DNAH5: variants seen among roughly 807,000 people sequenced by gnomAD.
DNAH5 encodes the protein dynein axonemal heavy chain 5, also known as axonemal beta dynein heavy chain 5.
DNAH5 carries 372 observed loss-of-function variants against 518.2 expected under a neutral mutation model. That is an observed-to-expected ratio of 0.72 (90% CI 0.66 to 0.78). The LOEUF is 0.78. Ranked by LOEUF, DNAH5 falls within the 30% of genes least tolerant of loss-of-function variation. DNAH5 has a pLI of 0.00. For synonymous variants in DNAH5, 2,039 were observed against 2,025.9 expected, an observed-to-expected ratio of 1.01 and a Z score of -0.17; for missense variants, 5,523 against 5,687.0, an observed-to-expected ratio of 0.97 and a Z score of 0.93.
rs552183736 is a variant in DNAH5 at position 13,873,564 on chromosome 5, A to C, written c.3397-1799T>G. Among the ~76,000 whole-genome samples the C allele has an allele frequency of 1.2e-3, 190 of 152,254 alleles. 1 individual carries two copies. Among genetic ancestry groups the C allele is most frequent in the African/African-American group, 4.5e-3 (185 of 41,568 alleles). ...TGACTAACTTAACTCTTGTTGGGCC[A>C]CAATTTCTTTTTTAGATTAGCCTCT... On this transcript the variant is annotated intron_variant, in intron 22 of 78. Transcript: ENST00000265104.
intron 1 of DNAH5, among the ~76,000 whole-genome samples, chr5:13,997,632 C>T (rs1436795756): frequency 6.6e-6 from 1 of 152,148 alleles, no homozygotes; most frequent in Non-Finnish European, 1.5e-5. Flanking sequence ...TATTTCCATT[C>T]ATGGCAATGC....
At position 13,718,946 on chromosome 5, in the gene DNAH5, C is replaced by T. The variant is rs2126518087; in HGVS notation, c.12435G>A (p.Met4145Ile). Residue 4145 changes from methionine to isoleucine, a missense_variant, in exon 72 of 79, where the codon ATG becomes ATA. This residue lies in a region of DNAH5 where 5,121 missense variants were observed against 5,223.3 expected (regional missense o/e 0.98). Coordinates refer to ENST00000265104, the MANE Select transcript of DNAH5 (RefSeq NM_001369.3). ...HKQFPITLLQ[M>I]SIKFANDPPQ... The stretch of plus-strand genomic sequence containing the variant: ...GAGGATCGTTGGCAAATTTAATGGA[C>T]ATCTGAAGGAGTGTAATGGGAAACT... 3.1e-6 allele frequency: 5 copies of T among 1,614,104 alleles called. No homozygotes were observed. Among genetic ancestry groups the T allele is most frequent in the Non-Finnish European group, 4.2e-6 (5 of 1,180,008 alleles).
At chr5:13,877,762 A>G (rs1771091646) in intron 21 of DNAH5, among the ~76,000 whole-genome samples, 1 of 152,232 alleles carries the variant, frequency 6.6e-6, no homozygotes. Context: ...ATGTATCACC[A>G]TAACTCTTAA....
chr5:13,737,127 T>C lies in DNAH5; in HGVS notation c.11455+125A>G, dbSNP rs940603301. On this transcript the variant is annotated intron_variant, in intron 66 of 78. Coordinates refer to ENST00000265104, the MANE Select transcript of DNAH5 (RefSeq NM_001369.3). ...TTACGGAATATTTCCCAACAGAAAT[T>C]CCACAAAACACCTCCACTTTGCATA... 5.3e-5 allele frequency: 79 copies of C among 1,484,318 alleles called. No individual in the cohort carries two copies. The South Asian group carries it at 6.7e-4, about 13-fold the overall frequency. 91.9% of individuals were successfully genotyped at this position (1,484,318 alleles called of 1,614,324 possible).
intron 68 of DNAH5, among the ~76,000 whole-genome samples, chr5:13,731,126 T>C (rs1158607445): frequency 2.0e-5 from 3 of 152,254 alleles, no homozygotes. Context: ...ATCTCTATTT[T>C]ATCCAGGCAC....
At chr5:13,911,355 C>T (rs1354522577) in intron 12 of DNAH5, 31 bp downstream of exon 12, 2 of 1,542,110 alleles carry the variant, frequency 1.3e-6, no homozygotes, top group Non-Finnish European at 1.8e-6. Context: ...AAACACACGA[C>T]TGTCAACAGG....
At chr5:13,776,291 C>T (rs1356488612) in intron 55 of DNAH5, 148 bp downstream of exon 55, 4 of 1,045,128 alleles carry the variant, frequency 3.8e-6, no homozygotes, top group Non-Finnish European at 5.9e-6. Context: ...AACACAAATG[C>T]TGTCCATGAG....
At chr5:13,868,677 G>A (rs1769639019) in intron 24 of DNAH5, among the ~76,000 whole-genome samples, 1 of 152,212 alleles carries the variant, frequency 6.6e-6, no homozygotes, top group Non-Finnish European at 1.5e-5. Context: ...GTTGATCTGA[G>A]CAAGGATAGC....
chr5:13,850,026 C>G (rs1017048985), intron 31 of DNAH5, among the ~76,000 whole-genome samples: 6 of 152,206 alleles, frequency 3.9e-5, no homozygotes, highest in African/African-American at 1.4e-4. Context: ...GATCAACTGT[C>G]TCCCAGAGTG....
intron 1 of DNAH5, among the ~76,000 whole-genome samples, chr5:13,981,424 G>A (rs144994387): frequency 1.7e-4 from 26 of 152,362 alleles, no homozygotes; most frequent in African/African-American, 3.1e-4. Flanking sequence ...GGAGCTGAAT[G>A]TCAGTTATTC....
intron 19 of DNAH5, among the ~76,000 whole-genome samples, chr5:13,883,744 G>T (rs892545960): frequency 8.5e-5 from 13 of 152,142 alleles, no homozygotes; most frequent in African/African-American, 3.1e-4. Flanking sequence ...AATTGTGATT[G>T]AATATTTAGC....
rs769508388 is a variant in DNAH5, at chr5:13,780,973, C to T, written c.8821-14G>A. On this transcript the variant is annotated splice_polypyrimidine_tract_variant and intron_variant, in intron 52 of 78. Transcript: ENST00000265104. ...GACACGAGAGATCTGTAATATGGAA[C>T]AGAAAAAGTATGTATCTTTCAACAT... The T allele has an allele frequency of 6.2e-7, 1 of 1,612,984 alleles. No individual in the cohort carries two copies. The highest frequency in any genetic ancestry group is 8.5e-7 in the Non-Finnish European group (1 of 1,179,284).
At position 13,753,496 on chromosome 5, in the gene DNAH5, C is replaced by CTTGGT. The variant is rs1380450190; in HGVS notation, c.10604_10608dup (p.Glu3537ThrfsTer9). 1 of 1,613,914 alleles carries CTTGGT rather than the reference C, an allele frequency of 6.2e-7. No individual in the cohort carries two copies. Among genetic ancestry groups the CTTGGT allele is most frequent in the African/African-American group, 1.3e-5 (1 of 74,930 alleles). On this transcript the variant is annotated frameshift_variant, in exon 63 of 79. Transcript: ENST00000265104. LOFTEE classifies it high-confidence loss of function. ...TCATTTAACAGAAGATCACGAAACT[C>CTTGGT]TTGGTTAAATGGACCAGAATAAGAT... is the stretch of plus-strand genomic sequence containing the variant.
At chr5:13,807,525 A>C in intron 47 of DNAH5, 66 bp downstream of exon 47, 5 of 1,478,076 alleles carry the variant, frequency 3.4e-6, no homozygotes, top group Non-Finnish European at 4.7e-6. Context: ...GCAGAATAGT[A>C]GAGATTTGAG....
At chr5:13,855,457 C>A in intron 30 of DNAH5, among the ~76,000 whole-genome samples, 1 of 48,690 alleles carries the variant, frequency 2.1e-5, no homozygotes, top group Admixed American at 1.7e-4. Context: ...ATCCGCCCGC[C>A]TCGGCCTCCC....
intron 1 of DNAH5, among the ~76,000 whole-genome samples, chr5:13,974,326 T>C (rs1315049525): frequency 2.0e-5 from 3 of 152,076 alleles, no homozygotes; most frequent in South Asian, 4.1e-4. Context: ...GGTTTCACTA[T>C]GTTGCCCAGG....
At chr5:13,888,587 G>T (rs892050919) in intron 17 of DNAH5, among the ~76,000 whole-genome samples, 7 of 152,080 alleles carry the variant, frequency 4.6e-5, no homozygotes, top group African/African-American at 1.7e-4. Context: ...TACCTATATT[G>T]GTAATCAAAA....
In DNAH5 at chr5:13,809,181, A is replaced by G; in HGVS notation, c.7615T>C (p.Trp2539Arg). Reference sequence around the variant, plus strand: ...TGGGTACGCGTGTTCCAGTGCGTCCATGTACCTAAGGTGAGCAGAGGACAT... The same window carrying G: ...TGGGTACGCGTGTTCCAGTGCGTCCGTGTACCTAAGGTGAGCAGAGGACAT... ...FDYYVAPDGT[W>R]THWNTRTQEY... Residue 2539 changes from tryptophan to arginine, a missense_variant, in exon 46 of 79, where the codon TGG becomes CGG. By Grantham distance (101) the Trp-to-Arg change is moderately radical. Around this residue, in one of 3 missense-constraint regions of DNAH5, gnomAD observed 5,121 missense variants for 5,223.3 expected, o/e 0.98. Coordinates refer to ENST00000265104, the MANE Select transcript of DNAH5 (RefSeq NM_001369.3). The G allele has an allele frequency of 2.5e-6, 4 of 1,614,134 alleles. No homozygotes were observed. The highest frequency in any genetic ancestry group is 2.5e-6 in the Non-Finnish European group (3 of 1,180,000).
At chr5:13,864,253 T>C in intron 28 of DNAH5, 144 bp downstream of exon 28, 1 of 1,042,170 alleles carries the variant, frequency 9.6e-7, no homozygotes, top group South Asian at 1.3e-5. Flanking sequence ...AAATAAGCAT[T>C]TGTTGAAGGA....
Sources: gnomAD v4.1 joint callset for allele counts (sites outside exome capture counted in the v4.1 genomes callset) on GRCh38, gnomAD v4.1.1 for gene constraint, gnomAD v4.1.1 regional missense constraint, MANE v1.5 for transcripts, NCBI Gene and HGNC (gene_info 2026-07-23, HGNC 2026-07-21) for gene names.